RPF2: variants seen among roughly 807,000 people sequenced by gnomAD.
The protein encoded by RPF2 is ribosome production factor 2 homolog, also known as brix domain containing 1.
RPF2 carries 21 observed loss-of-function variants against 38.9 expected under a neutral mutation model. The ratio of observed to expected loss-of-function variants is 0.54; its 90% CI spans 0.38 to 0.78. The LOEUF is 0.78. Ranked by LOEUF, RPF2 falls within the 30% of genes least tolerant of loss-of-function variation. The probability of loss-of-function intolerance (pLI) is 0.00; values close to 1 mark genes in which losing one functional copy is unlikely to be tolerated. For missense variants in RPF2, 314 were observed against 358.1 expected (o/e 0.88, Z 0.99); for synonymous variants, 121 against 126.2 (o/e 0.96, Z 0.28).
intron 6 of RPF2, 50 bp downstream of exon 6, chr6:110,999,837 A>G (rs1017881821): frequency 3.0e-6 from 3 of 1,005,644 alleles, no homozygotes; most frequent in Non-Finnish European, 4.7e-6. Context: ...TCTCTTGACC[A>G]GTAGTGACAT....
intron 6 of RPF2, among the ~76,000 whole-genome samples, chr6:111,004,916 C>T (rs924873147): frequency 6.6e-6 from 1 of 151,582 alleles, no homozygotes; most frequent in Non-Finnish European, 1.5e-5. Context: ...GATGTGTATA[C>T]TGGGTGACAA....
intron 7 of RPF2, among the ~76,000 whole-genome samples, chr6:111,010,312 A>G (rs777071429): frequency 2.0e-5 from 3 of 150,784 alleles, no homozygotes; most frequent in Non-Finnish European, 4.4e-5. Context: ...TTTTGTAGAG[A>G]TATGGGTCTC....
chr6:111,011,395 C>A (rs1772012388), intron 7 of RPF2, among the ~76,000 whole-genome samples: 1 of 145,500 alleles, frequency 6.9e-6, no homozygotes, highest in Non-Finnish European at 1.5e-5. Flanking sequence ...TCAAGCAATT[C>A]TCTTCCTTAG....
At chr6:110,984,826 TGAGACTCCATCTCAAAA>T (rs1771495780) in intron 1 of RPF2, among the ~76,000 whole-genome samples, 163 bp from the exon 2 acceptor site, 1 of 149,626 alleles carries the variant, frequency 6.7e-6, no homozygotes, top group Admixed American at 6.7e-5. Flanking sequence ...GGTGACAGAG[TGAGACTCCATCTCAAAA>T]ACAAACAAAA....
rs929592592 is a variant in RPF2, at chr6:111,028,140, T to C, written c.*2558T>C. On this transcript the variant is annotated 3_prime_UTR_variant, in exon 10 of 10. Coordinates refer to ENST00000441448, the MANE Select transcript of RPF2 (RefSeq NM_032194.3). ...TATTATTTCATGGAATTTGGGTTTCTTTTTTTTTGTTTTTTTAAAATTAAG... is the reference window on the plus strand; with the variant it reads ...TATTATTTCATGGAATTTGGGTTTCCTTTTTTTTGTTTTTTTAAAATTAAG... 2.6e-5 allele frequency: 4 copies of C among 151,430 alleles called. No individual in the cohort carries two copies. In the East Asian group the frequency reaches 7.7e-4, roughly 29 times the overall value. The allele number at this position is 151,430 out of a possible 1,614,324, so 9.4% of individuals were successfully genotyped here.
intron 6 of RPF2, among the ~76,000 whole-genome samples, chr6:111,004,545 T>TG (rs1199079211): frequency 6.8e-6 from 1 of 147,678 alleles, no homozygotes; most frequent in Admixed American, 6.7e-5. Flanking sequence ...TATTAAGTAT[T>TG]GGGGTTTTTT....
chr6:111,023,389 G>T (rs1428477152), intron 8 of RPF2, among the ~76,000 whole-genome samples: 1 of 152,098 alleles, frequency 6.6e-6, no homozygotes, highest in East Asian at 1.9e-4. Flanking sequence ...TGAATGGGTT[G>T]GTTTAACTCC....
At position 111,024,430 on chromosome 6, in the gene RPF2, C is replaced by A; in HGVS notation, c.741+103C>A. 3.3e-6 allele frequency: 4 copies of A among 1,206,736 alleles called. No homozygotes were observed. In the East Asian group the frequency reaches 8.0e-5, roughly 24 times the overall value. 74.8% of individuals were successfully genotyped at this position (1,206,736 alleles called of 1,614,324 possible). The stretch of plus-strand genomic sequence containing the variant: ...GGCATATTATATTAAAAGACAAGGA[C>A]AGGCCAGGCGCGGTGGCTCACGCCT... On this transcript the variant is annotated intron_variant, in intron 9 of 9. Transcript: ENST00000441448.
rs150251680 is a variant in RPF2, at chr6:111,015,787, G to T, written c.527G>T (p.Arg176Leu). Residue 176 changes from arginine to leucine, a missense_variant, in exon 8 of 10, where the codon CGC becomes CTC. Arg to Leu is a moderately radical substitution (Grantham distance 102, BLOSUM62 -2). Transcript: ENST00000441448. Reference protein sequence around the residue: ...FFRGPTVSNIRLAGLEYVLHF... With the variant: ...FFRGPTVSNILLAGLEYVLHF... ...AGAGGCCCCACAGTATCAAATATCC[G>T]CCTGGCTGGATTAGAGTATGTTCTG... 2 of 1,612,368 alleles carry T rather than the reference G, an allele frequency of 1.2e-6. No individual in the cohort carries two copies. Among genetic ancestry groups the T allele is most frequent in the African/African-American group, 1.3e-5 (1 of 74,856 alleles).
chr6:110,991,345 C>T (rs544980198), intron 3 of RPF2, among the ~76,000 whole-genome samples: 1 of 149,492 alleles, frequency 6.7e-6, no homozygotes, highest in South Asian at 2.1e-4. Flanking sequence ...GGCTGGAGTG[C>T]AGTGGCACGA....
At chr6:110,989,156 TTTAAA>T in intron 3 of RPF2, 91 bp downstream of exon 3, 1 of 1,253,928 alleles carries the variant, frequency 8.0e-7, no homozygotes, top group Non-Finnish European at 1.0e-6. Flanking sequence ...ACAAAAACTT[TTTAAA>T]AAGATATTAA....
At chr6:110,989,312 T>C (rs1156283651) in intron 3 of RPF2, among the ~76,000 whole-genome samples, 1 of 152,204 alleles carries the variant, frequency 6.6e-6, no homozygotes, top group Non-Finnish European at 1.5e-5. Context: ...GCAAAAATAA[T>C]GCAGAATTCC....
At chr6:111,005,355 C>T (rs1771890413) in intron 6 of RPF2, among the ~76,000 whole-genome samples, 1 of 152,134 alleles carries the variant, frequency 6.6e-6, no homozygotes, top group African/African-American at 2.4e-5. Flanking sequence ...ATAGGAAGCT[C>T]AGACCAACAG....
At chr6:110,999,259 A>G (rs1771772432) in intron 5 of RPF2, among the ~76,000 whole-genome samples, 1 of 152,210 alleles carries the variant, frequency 6.6e-6, no homozygotes, top group African/African-American at 2.4e-5. Flanking sequence ...GGGGGGGAAA[A>G]TTATCCTAAG....
chr6:111,014,841 T>C (rs1374907401), intron 7 of RPF2, among the ~76,000 whole-genome samples: 1 of 152,216 alleles, frequency 6.6e-6, no homozygotes, highest in Non-Finnish European at 1.5e-5. Context: ...TAAGTTATTG[T>C]TTGAGACAGG....
intron 1 of RPF2, 66 bp downstream of exon 1, chr6:110,982,195 C>T (rs1771443662): frequency 6.5e-7 from 1 of 1,545,762 alleles, no homozygotes; most frequent in Admixed American, 1.7e-5. Context: ...GAGGGTGGTA[C>T]TGTCTCGGCC....
chr6:111,022,172 A>G (rs539717001), intron 8 of RPF2, among the ~76,000 whole-genome samples: 1 of 152,368 alleles, frequency 6.6e-6, no homozygotes, highest in Non-Finnish European at 1.5e-5. Context: ...AAGTGGTAGC[A>G]TACTTTGAAA....
intron 9 of RPF2, among the ~76,000 whole-genome samples, chr6:111,025,130 T>C (rs924243128): frequency 2.6e-5 from 4 of 152,248 alleles, no homozygotes; most frequent in Admixed American, 2.0e-4. Flanking sequence ...AGTTTTGTTT[T>C]TCAAAGTGTG....
chr6:111,013,060 A>G (rs926049264), intron 7 of RPF2, among the ~76,000 whole-genome samples: 9 of 152,208 alleles, frequency 5.9e-5, no homozygotes, highest in Admixed American at 5.2e-4. Context: ...CTAACAGTGT[A>G]TATACCACTT....
Sources: gnomAD v4.1 joint callset for allele counts (sites outside exome capture counted in the v4.1 genomes callset) on GRCh38, gnomAD v4.1.1 for gene constraint, MANE v1.5 for transcripts, NCBI Gene and HGNC (gene_info 2026-07-23, HGNC 2026-07-21) for gene names.